THADA: variants seen among roughly 807,000 people sequenced by gnomAD.
THADA encodes the protein tRNA (32-2'-O)-methyltransferase regulator THADA.
Under a neutral mutation model 219.8 loss-of-function variants are expected in THADA, and 213 were observed. The observed-to-expected ratio is 0.97, with a 90% confidence interval of 0.87 to 1.09. The LOEUF (loss-of-function observed/expected upper bound fraction) is 1.09, where lower values mean the gene tolerates loss of function less well. THADA is among the 50% of genes least tolerant of loss of function. THADA has a pLI of 0.00. For missense variants in THADA, 2,956 were observed against 2,311.3 expected, an observed-to-expected ratio of 1.28 and a Z score of -5.72; for synonymous variants, 1,018 against 828.9, an observed-to-expected ratio of 1.23 and a Z score of -3.92.
intron 29 of THADA, among the ~76,000 whole-genome samples, chr2:43,380,074 C>G (rs532081396): frequency 3.9e-5 from 6 of 152,274 alleles, no homozygotes; most frequent in African/African-American, 1.4e-4. Flanking sequence ...GGGTGTGGAA[C>G]TAATCTATAT....
chr2:43,377,632 C>A (rs150704438), intron 29 of THADA, among the ~76,000 whole-genome samples: 2 of 152,096 alleles, frequency 1.3e-5, no homozygotes, highest in Non-Finnish European at 2.9e-5. Context: ...AGTTACCTTG[C>A]GGCCAGAGGT....
intron 29 of THADA, among the ~76,000 whole-genome samples, chr2:43,345,673 G>GA (rs1667558917): frequency 6.6e-6 from 1 of 152,190 alleles, no homozygotes; most frequent in African/African-American, 2.4e-5. Flanking sequence ...CCACTGTCCT[G>GA]AAAGAGCTGG....
At chr2:43,256,627 T>C (rs868514695) in intron 36 of THADA, among the ~76,000 whole-genome samples, 1 of 150,240 alleles carries the variant, frequency 6.7e-6, no homozygotes, top group Non-Finnish European at 1.5e-5. Context: ...TTTTTTTTGG[T>C]AGAGACAGAG....
chr2:43,359,786 A>AT (rs531629007), intron 29 of THADA, among the ~76,000 whole-genome samples: 11,061 of 145,400 alleles, frequency 0.076, 504 homozygotes, highest in South Asian at 0.19. Flanking sequence ...TGTTAACTGG[A>AT]TTTTTTTTTT....
At chr2:43,232,582 G>A (rs578099942) in intron 37 of THADA, 131 bp downstream of exon 37, 2 of 988,304 alleles carry the variant, frequency 2.0e-6, no homozygotes, top group Non-Finnish European at 3.0e-6. Context: ...AGCACCCAGT[G>A]GGTGACTTTC....
chr2:43,264,984 C>A (rs527831591), intron 36 of THADA, among the ~76,000 whole-genome samples: 5 of 152,396 alleles, frequency 3.3e-5, no homozygotes, highest in African/African-American at 1.2e-4. Flanking sequence ...ACCAGCACTG[C>A]ATATTGGAGA....
intron 24 of THADA, 131 bp downstream of exon 24, chr2:43,505,491 T>G (rs981224459): frequency 7.4e-6 from 4 of 537,472 alleles, no homozygotes; most frequent in Non-Finnish European, 1.3e-5. Context: ...GAGGCGAAGG[T>G]TGCAGTGAGC....
intron 29 of THADA, among the ~76,000 whole-genome samples, chr2:43,355,760 A>T (rs192919438): frequency 1.3e-5 from 2 of 152,282 alleles, no homozygotes; most frequent in Admixed American, 1.3e-4. Flanking sequence ...TCCCTTTCCC[A>T]CTGCAGACAC....
At chr2:43,515,948 A>C (rs1406017590) in intron 22 of THADA, among the ~76,000 whole-genome samples, 1 of 152,032 alleles carries the variant, frequency 6.6e-6, no homozygotes, top group African/African-American at 2.4e-5. Flanking sequence ...AACCTACTCT[A>C]CCCACAGTCT....
intron 21 of THADA, among the ~76,000 whole-genome samples, chr2:43,532,943 T>C (rs1417881400): frequency 6.6e-6 from 1 of 151,912 alleles, no homozygotes; most frequent in Admixed American, 6.6e-5. Context: ...ATCATCAGAG[T>C]GAACAGACAA....
At chr2:43,362,452 G>A (rs1216328529) in intron 29 of THADA, among the ~76,000 whole-genome samples, 1 of 152,108 alleles carries the variant, frequency 6.6e-6, no homozygotes, top group Non-Finnish European at 1.5e-5. Flanking sequence ...ATAACACAAT[G>A]GTAAGTATTT....
chr2:43,552,454 G>C, intron 17 of THADA, 115 bp from the exon 18 acceptor site: 3 of 1,125,608 alleles, frequency 2.7e-6, no homozygotes, highest in Non-Finnish European at 2.5e-6. Flanking sequence ...TTACACTAGA[G>C]TTTTTTAATC....
intron 20 of THADA, among the ~76,000 whole-genome samples, chr2:43,547,599 G>C (rs936849672): frequency 6.6e-6 from 1 of 151,806 alleles, no homozygotes; most frequent in Non-Finnish European, 1.5e-5. Context: ...CTCCCTTCTC[G>C]CTTCATTTCA....
intron 26 of THADA, among the ~76,000 whole-genome samples, chr2:43,431,118 G>T (rs1679211526): frequency 6.6e-6 from 1 of 152,120 alleles, no homozygotes; most frequent in Non-Finnish European, 1.5e-5. Context: ...AACTATTAAA[G>T]AATTACTCCG....
intron 25 of THADA, among the ~76,000 whole-genome samples, chr2:43,490,979 TGTAAATATAGAGCAAA>T (rs1227980703): frequency 6.6e-6 from 1 of 152,192 alleles, no homozygotes; most frequent in Non-Finnish European, 1.5e-5. Flanking sequence ...AAAGAGTTAT[TGTAAATATAGAGCAAA>T]ATAACTGGCA....
rs114719931 is a variant in THADA at position 43,524,246 on chromosome 2, T to A, written c.3374+3633A>T. On this transcript the variant is annotated intron_variant, in intron 22 of 37. Transcript: ENST00000405975. ...TGTTATGTGTGTTGCAAGTGTTGCT[T>A]TCAAAACATTCCCAGAAAAAGTAAC... is the stretch of plus-strand genomic sequence containing the variant. 4.8e-3 allele frequency among the ~76,000 whole-genome samples: 734 copies of A among 152,334 alleles called. 3 individuals are homozygous for A. Among genetic ancestry groups the A allele is most frequent in the African/African-American group, 0.017 (702 of 41,570 alleles).
chr2:43,592,404 T>G lies in THADA; in HGVS notation c.-12A>C. 6.4e-7 allele frequency: 1 copy of G among 1,567,922 alleles called. No homozygotes were observed. Among genetic ancestry groups the G allele is most frequent in the Non-Finnish European group, 8.7e-7 (1 of 1,148,648 alleles). On this transcript the variant is annotated 5_prime_UTR_variant, in exon 2 of 38. Coordinates refer to ENST00000405975, the MANE Select transcript of THADA (RefSeq NM_022065.5). ...TTCTTTACACCCATTTTAAATAGAA[T>G]TAATAGTAGTCACTGCAAGAAAGAA...
chr2:43,404,677 G>C (rs896474748), intron 28 of THADA, among the ~76,000 whole-genome samples: 3 of 152,092 alleles, frequency 2.0e-5, no homozygotes, highest in Admixed American at 6.5e-5. Context: ...AAATGACATT[G>C]AGAACAGAAA....
intron 31 of THADA, among the ~76,000 whole-genome samples, chr2:43,316,295 T>C (rs1275158459): frequency 1.3e-5 from 2 of 152,186 alleles, no homozygotes; most frequent in African/African-American, 4.8e-5. Flanking sequence ...AAATCCTTCA[T>C]TGCACCTACT....
Sources: allele counts gnomAD v4.1 joint callset (sites outside exome capture counted in the v4.1 genomes callset), GRCh38; gene constraint gnomAD v4.1.1; transcripts MANE v1.5; gene names NCBI Gene and HGNC (gene_info 2026-07-23, HGNC 2026-07-21).